The following LRP1B variants were observed in gnomAD, a reference collection of about 807,000 sequenced individuals.
The protein encoded by LRP1B is LDL receptor related protein 1B.
In LRP1B, 217 loss-of-function variants were observed where a neutral mutation model predicts 556.6. That is an observed-to-expected ratio of 0.39 (90% CI 0.35 to 0.44). The LOEUF (loss-of-function observed/expected upper bound fraction) is 0.44, where lower values mean the gene tolerates loss of function less well. Ranked by LOEUF, LRP1B falls within the 20% of genes least tolerant of loss-of-function variation. LRP1B has a pLI of 1.00. For synonymous variants in LRP1B, 2,047 were observed against 1,865.8 expected, an observed-to-expected ratio of 1.10 and a Z score of -2.50; for missense variants, 5,053 against 5,620.8, an observed-to-expected ratio of 0.90 and a Z score of 3.23.
chr2:140,526,006 A>T lies in LRP1B; in HGVS notation c.7877-13T>A, dbSNP rs763292592. 1.9e-5 allele frequency: 31 copies of T among 1,610,272 alleles called. No individual in the cohort carries two copies. The highest frequency in any genetic ancestry group is 1.9e-5 in the Non-Finnish European group (22 of 1,178,172). On this transcript the variant is annotated splice_polypyrimidine_tract_variant and intron_variant, in intron 48 of 90. Coordinates refer to ENST00000389484, the MANE Select transcript of LRP1B (RefSeq NM_018557.3). ...CAGTCTGTGTTATCTAGAAGAAGGTAAACAAAAAATGAAAAAGTACCTCAT... is the reference window on the plus strand; with the variant it reads ...CAGTCTGTGTTATCTAGAAGAAGGTTAACAAAAAATGAAAAAGTACCTCAT...
At chr2:140,411,317 CT>C (rs2105247560) in intron 66 of LRP1B, among the ~76,000 whole-genome samples, 1 of 152,032 alleles carries the variant, frequency 6.6e-6, no homozygotes, top group South Asian at 2.1e-4. Flanking sequence ...TGTATGCATT[CT>C]TTATATTATA....
At chr2:142,100,392 A>G (rs1048575439) in intron 1 of LRP1B, among the ~76,000 whole-genome samples, 1 of 151,988 alleles carries the variant, frequency 6.6e-6, no homozygotes, top group African/African-American at 2.4e-5. Flanking sequence ...CAACATCCAG[A>G]GTCAGTTCCT....
rs182086557 is a variant in LRP1B, at chr2:141,946,065, T to C, written c.83-135664A>G. 2.7e-3 allele frequency among the ~76,000 whole-genome samples: 415 copies of C among 152,168 alleles called. 1 individual carries two copies. The highest frequency in any genetic ancestry group is 9.2e-3 in the African/African-American group (383 of 41,500). On this transcript the variant is annotated intron_variant, in intron 1 of 90. Transcript: ENST00000389484. Reference sequence around the variant, plus strand: ...AGCTCCCACTCAACGAGAGAGCACGTAGGGGTACCTATACTAGCCCACCGT... The same window carrying C: ...AGCTCCCACTCAACGAGAGAGCACGCAGGGGTACCTATACTAGCCCACCGT...
At chr2:141,917,086 T>C (rs1290909632) in intron 1 of LRP1B, among the ~76,000 whole-genome samples, 1 of 152,160 alleles carries the variant, frequency 6.6e-6, no homozygotes, top group Non-Finnish European at 1.5e-5. Flanking sequence ...TATATACAAT[T>C]TATATAACAC....
intron 43 of LRP1B, among the ~76,000 whole-genome samples, chr2:140,595,090 A>ATATCTATATC (rs1207265838): frequency 5.7e-3 from 19 of 3,332 alleles, no homozygotes; most frequent in African/African-American, 0.014. Context: ...TAAATTGAAT[A>ATATCTATATC]TATATATATA....
intron 35 of LRP1B, among the ~76,000 whole-genome samples, chr2:140,728,032 T>C (rs563705632): frequency 6.6e-6 from 1 of 152,272 alleles, no homozygotes; most frequent in African/African-American, 2.4e-5. Context: ...CCCTTTCAGG[T>C]ACAATGTTAT....
intron 86 of LRP1B, among the ~76,000 whole-genome samples, chr2:140,255,553 GATT>G (rs1238656884): frequency 6.6e-6 from 1 of 152,138 alleles, no homozygotes; most frequent in African/African-American, 2.4e-5. Flanking sequence ...TAAAGGCAGA[GATT>G]ATTGATTATT....
At chr2:140,671,045 C>G (rs16844463) in intron 41 of LRP1B, among the ~76,000 whole-genome samples, 11,417 of 152,176 alleles carry the variant, frequency 0.075, 516 homozygotes, top group South Asian at 0.17. Context: ...TTAAATATAT[C>G]TAAATTGGTG....
At chr2:141,623,841 T>A (rs34705120) in intron 2 of LRP1B, among the ~76,000 whole-genome samples, 1 of 150,620 alleles carries the variant, frequency 6.6e-6, no homozygotes, top group African/African-American at 2.4e-5. Flanking sequence ...ATGGTGAAAC[T>A]CCGTCTCTGC....
Position 140,509,978 on chromosome 2 carries a change from C to A in LRP1B, c.8348G>T (p.Gly2783Val), listed in dbSNP as rs1264132340. Residue 2783 changes from glycine (G) to valine (V), a missense_variant, in exon 52 of 91, where the codon GGT (glycine) becomes GTT (valine). By Grantham distance (109) the Gly-to-Val change is moderately radical. Around this residue, in one of 5 missense-constraint regions of LRP1B, gnomAD observed 3,619 missense variants for 3,931.9 expected, o/e 0.92. Transcript: ENST00000389484. ...ACVPRHWLCD[G>V]ERDCPDGSDE... ...GCTTCCATCTGGACAGTCCCTTTCA[C>A]CATCACAAAGCCAATGTCGGGGCAC... 1 of 1,614,004 alleles carries A rather than the reference C, an allele frequency of 6.2e-7. No individual in the cohort carries two copies. The highest frequency in any genetic ancestry group is 1.1e-5 in the South Asian group (1 of 91,074).
chr2:140,520,787 C>G (rs1178337653), intron 49 of LRP1B, among the ~76,000 whole-genome samples: 3 of 45,434 alleles, frequency 6.6e-5, no homozygotes, highest in Non-Finnish European at 1.3e-4. Flanking sequence ...AAATCTAACA[C>G]TAAGAAAACA....
At chr2:140,240,949 G>A (rs1334854532) in intron 87 of LRP1B, among the ~76,000 whole-genome samples, 3 of 150,768 alleles carry the variant, frequency 2.0e-5, no homozygotes, top group African/African-American at 7.3e-5. Context: ...AATCCATACT[G>A]GACCACTTGC....
chr2:140,305,697 G>C (rs1391895559), intron 83 of LRP1B, among the ~76,000 whole-genome samples: 1 of 152,086 alleles, frequency 6.6e-6, no homozygotes, highest in East Asian at 1.9e-4. Flanking sequence ...ATGTTGAATA[G>C]GAGTGGTGAG....
At chr2:140,739,804 T>G (rs1039408198) in intron 35 of LRP1B, among the ~76,000 whole-genome samples, 1 of 152,016 alleles carries the variant, frequency 6.6e-6, no homozygotes, top group African/African-American at 2.4e-5. Context: ...ATCCAGAAAC[T>G]TCAATGAACC....
chr2:140,727,865 T>G (rs1687648963), intron 35 of LRP1B, among the ~76,000 whole-genome samples: 1 of 152,170 alleles, frequency 6.6e-6, no homozygotes, highest in Admixed American at 6.5e-5. Flanking sequence ...AATAATAAAG[T>G]GCTAACAAAT....
intron 1 of LRP1B, among the ~76,000 whole-genome samples, chr2:142,123,122 AT>A (rs1476202328): frequency 2.6e-5 from 4 of 152,042 alleles, no homozygotes; most frequent in Non-Finnish European, 5.9e-5. Flanking sequence ...CATTTCGGTT[AT>A]CAGCATTACA....
chr2:141,300,872 G>T (rs1485474390), intron 3 of LRP1B, among the ~76,000 whole-genome samples: 1 of 152,018 alleles, frequency 6.6e-6, no homozygotes, highest in East Asian at 1.9e-4. Context: ...TAGCAGTGTT[G>T]TTTCTTTATA....
intron 3 of LRP1B, among the ~76,000 whole-genome samples, chr2:141,450,382 G>A (rs1049731884): frequency 1.7e-4 from 26 of 152,124 alleles, no homozygotes; most frequent in African/African-American, 6.3e-4. Context: ...TTAATCCTCA[G>A]TTTCTTCATT....
At chr2:140,320,525 A>T (rs1008927257) in intron 82 of LRP1B, among the ~76,000 whole-genome samples, 1 of 152,140 alleles carries the variant, frequency 6.6e-6, no homozygotes, top group Non-Finnish European at 1.5e-5. Flanking sequence ...CCCTGCCATG[A>T]ATAATGTCTG....
Sources: gnomAD v4.1 joint callset for allele counts (sites outside exome capture counted in the v4.1 genomes callset) on GRCh38, gnomAD v4.1.1 for gene constraint, gnomAD v4.1.1 regional missense constraint, MANE v1.5 for transcripts, NCBI Gene and HGNC (gene_info 2026-07-23, HGNC 2026-07-21) for gene names.